RIN3: variants seen among roughly 807,000 people sequenced by gnomAD.
The protein encoded by RIN3 is RAB5 interacting protein 3.
RIN3 carries 54 observed loss-of-function variants against 76.3 expected under a neutral mutation model. The observed-to-expected ratio is 0.71, with a 90% CI of 0.57 to 0.89. The LOEUF is 0.89. Among genes scored for constraint, RIN3 ranks in the 40% least tolerant of loss-of-function variants. The pLI is 0.00. For missense variants in RIN3, 1,256 were observed against 1,322.1 expected (o/e 0.95, Z 0.78); for synonymous variants, 576 against 564.0 (o/e 1.02, Z -0.30).
Position 92,615,425 on chromosome 14 carries a change from C to G in RIN3, c.386C>G (p.Ser129Trp). Residue 129 changes from serine to tryptophan, a missense_variant, in exon 4 of 10, where the codon TCG becomes TGG. Transcript: ENST00000216487. ...TCCCCAGTATTGTACCTGGAAGGCTCGGCTCTTGTGTTTGAGGACATCTTC... is the reference window on the plus strand; with the variant it reads ...TCCCCAGTATTGTACCTGGAAGGCTGGGCTCTTGTGTTTGAGGACATCTTC... ...EEKSILYLEG[S>W]ALVFEDIFRL... The G allele has an allele frequency of 6.2e-7, 1 of 1,614,124 alleles. No homozygotes were observed. The highest frequency in any genetic ancestry group is 1.1e-5 in the South Asian group (1 of 91,086).
chr14:92,560,988 T>G (rs1218263400), intron 2 of RIN3, among the ~76,000 whole-genome samples: 5 of 111,262 alleles, frequency 4.5e-5, no homozygotes, highest in African/African-American at 1.7e-4. Flanking sequence ...ACCACTGCAC[T>G]CCAGCCTGGG....
intron 1 of RIN3, among the ~76,000 whole-genome samples, chr14:92,552,011 G>A (rs1479853596): frequency 1.3e-5 from 2 of 152,238 alleles, no homozygotes; most frequent in African/African-American, 4.8e-5. Context: ...AGAGCAGCAT[G>A]AGCGTGGGCT....
intron 6 of RIN3, among the ~76,000 whole-genome samples, chr14:92,655,140 G>A (rs994157333): frequency 2.6e-5 from 4 of 152,192 alleles, no homozygotes; most frequent in South Asian, 4.1e-4. Flanking sequence ...ACTCCAGCCT[G>A]GGCAACAGAG....
At chr14:92,664,364 CTTTTTTT>C (rs373597134) in intron 7 of RIN3, among the ~76,000 whole-genome samples, 1 of 84,446 alleles carries the variant, frequency 1.2e-5, no homozygotes, top group Admixed American at 1.6e-4. Context: ...TTCTTTCTTT[CTTTTTTT>C]TTTTTTTTTT....
Position 92,643,965 on chromosome 14 carries a change from G to A in RIN3, c.532+2636G>A, listed in dbSNP as rs947070649. Among the ~76,000 whole-genome samples, 8 of 152,152 alleles carry A rather than the reference G, an allele frequency of 5.3e-5. No homozygotes were observed. In the South Asian group the frequency reaches 6.2e-4, roughly 12 times the overall value. ...AATTAGAAGATCAAGTTTTAGCTCC[G>A]CTGGGAACCTTGTGTAAAGTGCCCC... On this transcript the variant is annotated intron_variant, in intron 5 of 9. Coordinates refer to ENST00000216487, the MANE Select transcript of RIN3 (RefSeq NM_024832.5). The surrounding 1 kb of genome is among the most constrained non-coding windows in gnomAD (Gnocchi z 4.8).
chr14:92,655,501 AT>A (rs1887635756), intron 6 of RIN3, among the ~76,000 whole-genome samples: 1 of 152,260 alleles, frequency 6.6e-6, no homozygotes, highest in Non-Finnish European at 1.5e-5. Context: ...GAGCCTCTCT[AT>A]CAACCTGACT....
At chr14:92,563,251 C>T (rs899252926) in intron 2 of RIN3, among the ~76,000 whole-genome samples, 1 of 152,124 alleles carries the variant, frequency 6.6e-6, no homozygotes, top group African/African-American at 2.4e-5. Flanking sequence ...ATCCCAGCTA[C>T]TTGGGAGGCT....
chr14:92,678,140 A>T (rs927867082), intron 8 of RIN3, among the ~76,000 whole-genome samples: 1 of 150,116 alleles, frequency 6.7e-6, no homozygotes, highest in Non-Finnish European at 1.5e-5. Flanking sequence ...TCACCCAGCC[A>T]TCCACATAAC....
At chr14:92,673,591 T>C (rs939984720) in intron 7 of RIN3, among the ~76,000 whole-genome samples, 5 of 151,992 alleles carry the variant, frequency 3.3e-5, no homozygotes, top group African/African-American at 1.2e-4. Context: ...CTGCAACCTC[T>C]GCCTCCCAGG....
chr14:92,553,143 AG>A (rs1897482574), intron 1 of RIN3, among the ~76,000 whole-genome samples: 1 of 151,874 alleles, frequency 6.6e-6, no homozygotes, highest in Admixed American at 6.6e-5. Flanking sequence ...ACAGACCTTG[AG>A]GGGGAAAGGA....
At chr14:92,567,801 C>T (rs1049932697) in intron 2 of RIN3, among the ~76,000 whole-genome samples, 2 of 152,000 alleles carry the variant, frequency 1.3e-5, no homozygotes, top group African/African-American at 2.4e-5. Context: ...GGTTCAGCTG[C>T]AAGCATAGTA....
rs1897977836 is a variant in RIN3 at position 92,568,634 on chromosome 14, G to A, written c.250-8726G>A. Among the ~76,000 whole-genome samples the A allele has an allele frequency of 6.6e-6, 1 of 152,178 alleles. No individual in the cohort carries two copies. Among genetic ancestry groups the A allele is most frequent in the Admixed American group, 6.5e-5 (1 of 15,286 alleles). ...CCTGTCAGTGTCACCCTCACCCATG[G>A]CCACCTGGGCAGGAAACGTCAGAGG... On this transcript the variant is annotated intron_variant, in intron 2 of 9. Transcript: ENST00000216487. The surrounding 1 kb of genome is among the most constrained non-coding windows in gnomAD (Gnocchi z 4.2).
intron 5 of RIN3, among the ~76,000 whole-genome samples, chr14:92,651,141 C>T (rs1053768428): frequency 1.3e-5 from 2 of 152,132 alleles, no homozygotes; most frequent in African/African-American, 4.8e-5. Flanking sequence ...AGACTGAGGC[C>T]TAGGAAGGTC....
At chr14:92,520,655 C>T (rs1477989974) in intron 1 of RIN3, among the ~76,000 whole-genome samples, 1 of 152,202 alleles carries the variant, frequency 6.6e-6, no homozygotes, top group Non-Finnish European at 1.5e-5. Flanking sequence ...AAGCCTTCCC[C>T]TCCTCCAAAG....
At chr14:92,668,309 C>T (rs1162475141) in intron 7 of RIN3, among the ~76,000 whole-genome samples, 1 of 152,196 alleles carries the variant, frequency 6.6e-6, no homozygotes, top group Non-Finnish European at 1.5e-5. Flanking sequence ...CAGAGATGAC[C>T]TCAGAAAAGA....
intron 5 of RIN3, among the ~76,000 whole-genome samples, chr14:92,647,994 G>C (rs1887263303): frequency 1.3e-5 from 2 of 152,056 alleles, no homozygotes; most frequent in Admixed American, 1.3e-4. Context: ...GGACCCCACA[G>C]CTTTGCCAAC....
intron 1 of RIN3, among the ~76,000 whole-genome samples, chr14:92,547,572 T>C (rs1407840633): frequency 6.6e-6 from 1 of 151,656 alleles, no homozygotes; most frequent in African/African-American, 2.4e-5. Flanking sequence ...TTCTTTTAAT[T>C]TTTTGTAGAG....
chr14:92,614,928 C>T (rs1458437908), intron 3 of RIN3, among the ~76,000 whole-genome samples: 1 of 149,880 alleles, frequency 6.7e-6, no homozygotes, highest in African/African-American at 2.5e-5. Context: ...TCTGCAACCT[C>T]CGCCTCCCGG....
At chr14:92,659,613 T>C in intron 7 of RIN3, 144 bp downstream of exon 7, 1 of 718,270 alleles carries the variant, frequency 1.4e-6, no homozygotes, top group East Asian at 2.9e-5. Flanking sequence ...TGAGTGTGGG[T>C]GGGGTGTAAT....
Sources: allele counts gnomAD v4.1 joint callset (sites outside exome capture counted in the v4.1 genomes callset), GRCh38; gene constraint gnomAD v4.1.1; non-coding constraint Gnocchi (gnomAD v3.1); transcripts MANE v1.5; gene names NCBI Gene and HGNC (gene_info 2026-07-23, HGNC 2026-07-21).